Variants in CCDC88C observed in about 807,000 individuals in gnomAD.
CCDC88C encodes protein Daple.
In CCDC88C, 131 loss-of-function variants were observed where a neutral mutation model predicts 198.8. The ratio of observed to expected loss-of-function variants is 0.66; its 90% CI spans 0.57 to 0.76. CCDC88C has a LOEUF of 0.76. Among genes scored for constraint, CCDC88C ranks in the 30% least tolerant of loss-of-function variants. The pLI, the probability that CCDC88C is intolerant of heterozygous loss-of-function variation, is 0.00. For synonymous variants in CCDC88C, 1,166 were observed against 1,114.7 expected (o/e 1.05, Z -0.92); for missense variants, 2,553 against 2,631.6 (o/e 0.97, Z 0.65).
At chr14:91,319,740 C>T (rs11627726) in intron 13 of CCDC88C, among the ~76,000 whole-genome samples, 11,680 of 152,178 alleles carry the variant, frequency 0.077, 576 homozygotes, top group African/African-American at 0.13. Context: ...AAATGTGTGT[C>T]TGGGGCCGGG....
chr14:91,412,677 C>T (rs1256854365), intron 2 of CCDC88C, among the ~76,000 whole-genome samples: 4 of 152,094 alleles, frequency 2.6e-5, no homozygotes, highest in South Asian at 4.1e-4. Context: ...CCTTGTGATC[C>T]GCCCACCTCA....
intron 10 of CCDC88C, among the ~76,000 whole-genome samples, chr14:91,336,933 G>A (rs1042329862): frequency 2.0e-5 from 3 of 152,206 alleles, no homozygotes; most frequent in Admixed American, 1.3e-4. Context: ...CTCTGCCTTC[G>A]GTGGCCTAAG....
Position 91,273,604 on chromosome 14 carries a change from G to A in CCDC88C, c.5108C>T (p.Ala1703Val). 6.7e-7 allele frequency: 1 copy of A among 1,494,110 alleles called. No homozygotes were observed. The highest frequency in any genetic ancestry group is 8.9e-7 in the Non-Finnish European group (1 of 1,121,088). The allele number at this position is 1,494,110 out of a possible 1,614,324, so 92.6% of individuals were successfully genotyped here. ...DDLLSDYFRK[A>V]SDPPAIGGQP... ...GCCTCCGATGGCTGGGGGATCGCTGGCCTTTCGGAAGTAGTCACTCAGCAG... is the reference window on the plus strand; with the variant it reads ...GCCTCCGATGGCTGGGGGATCGCTGACCTTTCGGAAGTAGTCACTCAGCAG... Residue 1703 changes from alanine (A) to valine (V), a missense_variant, in exon 30 of 30, where the codon GCC becomes GTC. Ala to Val is a moderately conservative substitution (Grantham distance 64, BLOSUM62 0). This residue lies in a region of CCDC88C where 1,293 missense variants were observed against 1,219.6 expected (regional missense o/e 1.06). Transcript: ENST00000389857. The surrounding 1 kb of genome is among the most constrained non-coding windows in gnomAD (Gnocchi z 5.6).
intron 3 of CCDC88C, among the ~76,000 whole-genome samples, chr14:91,382,765 C>G (rs910784479): frequency 1.3e-5 from 2 of 152,170 alleles, no homozygotes; most frequent in Non-Finnish European, 2.9e-5. Flanking sequence ...CAGACTCAAG[C>G]GAACACTCCA....
intron 26 of CCDC88C, among the ~76,000 whole-genome samples, chr14:91,282,962 A>G (rs995013595): frequency 6.6e-6 from 1 of 152,248 alleles, no homozygotes; most frequent in African/African-American, 2.4e-5. Context: ...CTCTCGAGAA[A>G]AAAACCCCAA....
intron 20 of CCDC88C, among the ~76,000 whole-genome samples, chr14:91,301,613 A>G (rs1272214261): frequency 6.6e-6 from 1 of 152,216 alleles, no homozygotes; most frequent in Non-Finnish European, 1.5e-5. Flanking sequence ...GCTACTTGGG[A>G]GGCTGAAGTA....
At chr14:91,275,862 C>T (rs1274092961) in intron 29 of CCDC88C, among the ~76,000 whole-genome samples, 3 of 128,470 alleles carry the variant, frequency 2.3e-5, no homozygotes, top group Non-Finnish European at 4.7e-5. Flanking sequence ...CGCTCTGTCG[C>T]CCAGGCTGGA....
chr14:91,277,966 A>G lies in CCDC88C; in HGVS notation c.5014T>C (p.Leu1672=). The change falls in exon 29 of 30, where the codon TTG becomes CTG. Residue 1672 remains leucine (L), a synonymous_variant. Transcript: ENST00000389857. ...TTGCTCTCCTCCAGGAACTCCTCCA[A>G]GGTGACCATCTCACTGCTGGGGGAG... is the stretch of plus-strand genomic sequence containing the variant. ...SASPSSEMVT[L]EEFLEESNRS... is the part of the protein sequence containing the mutation. The G allele has an allele frequency of 6.4e-7, 1 of 1,551,412 alleles. No individual in the cohort carries two copies. Among genetic ancestry groups the G allele is most frequent in the Non-Finnish European group, 8.7e-7 (1 of 1,143,764 alleles).
At chr14:91,315,860 G>C in intron 13 of CCDC88C, 73 bp from the exon 14 acceptor site, 1 of 1,513,862 alleles carries the variant, frequency 6.6e-7, no homozygotes. Flanking sequence ...AAACAAAACA[G>C]AAACCACCCC....
At position 91,300,006 on chromosome 14, in the gene CCDC88C, G is replaced by A. The variant is rs1267399794; in HGVS notation, c.3700C>T (p.Arg1234Ter). ...CTCTGCTCCTGCTGCAGCGCCTCTC[G>A]CTCAGTGGTCAAGACCTTCTCCCGC... ...EEREKVLTTEREALQQEQRTN... is the reference protein window; with the variant it reads ...EEREKVLTTE The change falls in exon 21 of 30, where the codon CGA (arginine) becomes TGA (stop). Residue 1234 changes from arginine (R) to a stop codon, truncating the protein, a stop_gained. Transcript: ENST00000389857. LOFTEE classifies it high-confidence loss of function. The A allele has an allele frequency of 1.2e-6, 2 of 1,601,052 alleles. No individual in the cohort carries two copies. Among genetic ancestry groups the A allele is most frequent in the Non-Finnish European group, 1.7e-6 (2 of 1,174,202 alleles).
intron 3 of CCDC88C, among the ~76,000 whole-genome samples, chr14:91,364,591 T>C (rs1380829340): frequency 1.3e-5 from 2 of 152,222 alleles, no homozygotes; most frequent in East Asian, 1.9e-4. Context: ...ATCTAAAATC[T>C]AGGCTCTTAT....
chr14:91,292,790 C>T (rs1197896103), intron 23 of CCDC88C, among the ~76,000 whole-genome samples: 1 of 152,140 alleles, frequency 6.6e-6, no homozygotes, highest in African/African-American at 2.4e-5. Context: ...ATTCTCGATT[C>T]CTCGACTTCT....
chr14:91,392,749 G>GC (rs1885584864), intron 3 of CCDC88C, among the ~76,000 whole-genome samples: 2 of 150,094 alleles, frequency 1.3e-5, no homozygotes, highest in African/African-American at 4.9e-5. Flanking sequence ...CTCTCACCAC[G>GC]CCCCTCACTC....
intron 26 of CCDC88C, among the ~76,000 whole-genome samples, chr14:91,282,957 G>A (rs1890257048): frequency 6.6e-6 from 1 of 152,138 alleles, no homozygotes. Flanking sequence ...ATCTTCTCTC[G>A]AGAAAAAAAC....
intron 23 of CCDC88C, among the ~76,000 whole-genome samples, chr14:91,292,952 C>T (rs975058320): frequency 6.6e-6 from 1 of 151,956 alleles, no homozygotes; most frequent in African/African-American, 2.4e-5. Flanking sequence ...TGAGCGCCCA[C>T]CTCCTTTTCC....
chr14:91,417,669 G>C lies in CCDC88C; in HGVS notation c.22C>G (p.Leu8Val). 1 of 1,583,658 alleles carries C rather than the reference G, an allele frequency of 6.3e-7. No homozygotes were observed. Among genetic ancestry groups the C allele is most frequent in the Non-Finnish European group, 8.6e-7 (1 of 1,168,394 alleles). Reference protein sequence around the residue: MDVTVSELLELFLQSPLV... With the variant: MDVTVSEVLELFLQSPLV... ...GGGCTCTGCAGGAAGAGCTCCAGGA[G>C]CTCCGAGACTGTCACGTCCATGCTG... Residue 8 changes from leucine to valine, a missense_variant, in exon 1 of 30, where the codon CTC becomes GTC. Leu to Val is a conservative substitution (Grantham distance 32). Transcript: ENST00000389857.
intron 3 of CCDC88C, among the ~76,000 whole-genome samples, chr14:91,362,177 G>T (rs1327930517): frequency 5.3e-5 from 8 of 151,690 alleles, no homozygotes; most frequent in South Asian, 2.1e-4. Flanking sequence ...AAGGTCGCAG[G>T]GAGCCGAGAT....
At chr14:91,346,217 T>C (rs993105957) in intron 4 of CCDC88C, among the ~76,000 whole-genome samples, 3 of 152,212 alleles carry the variant, frequency 2.0e-5, no homozygotes, top group Non-Finnish European at 4.4e-5. Context: ...TTCCTTGAGA[T>C]AATGACATCA....
At chr14:91,392,763 C>T (rs964979003) in intron 3 of CCDC88C, among the ~76,000 whole-genome samples, 1 of 151,230 alleles carries the variant, frequency 6.6e-6, no homozygotes, top group Non-Finnish European at 1.5e-5. Flanking sequence ...CTCACTCTCA[C>T]CGCGCCCCTC....
Sources: allele counts gnomAD v4.1 joint callset (sites outside exome capture counted in the v4.1 genomes callset), GRCh38; gene constraint gnomAD v4.1.1; regional missense constraint gnomAD v4.1.1; non-coding constraint Gnocchi (gnomAD v3.1); transcripts MANE v1.5; gene names NCBI Gene and HGNC (gene_info 2026-07-23, HGNC 2026-07-21).